ZNF296: variants seen among roughly 807,000 people sequenced by gnomAD.
ZNF296 encodes zinc finger protein 342.
A neutral mutation model predicts 13.2 loss-of-function variants in ZNF296; 1 was observed. The ratio of observed to expected loss-of-function variants is 0.08; its 90% CI spans 0.03 to 0.36. The LOEUF (loss-of-function observed/expected upper bound fraction) is 0.36. Ranked by LOEUF, ZNF296 falls within the 10% of genes least tolerant of loss-of-function variation. The probability of loss-of-function intolerance (pLI) is 0.99; values close to 1 mark genes in which losing one functional copy is unlikely to be tolerated. For missense variants in ZNF296, 555 were observed against 688.2 expected (o/e 0.81, Z 2.16); for synonymous variants, 303 against 289.0 (o/e 1.05, Z -0.49).
chr19:45,074,049 TAAA>T (rs1312803125), intron 2 of ZNF296, among the ~76,000 whole-genome samples: 5 of 150,494 alleles, frequency 3.3e-5, no homozygotes, highest in African/African-American at 9.8e-5. Context: ...TTTGGTTTAA[TAAA>T]AATAATTTTT....
Position 45,076,436 on chromosome 19 carries a change from C to G in ZNF296, c.-63G>C, listed in dbSNP as rs1967356228. The G allele has an allele frequency of 1.7e-6, 2 of 1,165,800 alleles. No individual in the cohort carries two copies. The highest frequency in any genetic ancestry group is 4.1e-5 in the South Asian group (1 of 24,174). The allele number at this position is 1,165,800 out of a possible 1,614,324, so 72.2% of individuals were successfully genotyped here. A position where few individuals can be genotyped will look rare whatever the true frequency, so the allele number is the denominator to read the frequency against. ...GGCAGGCGGGCGGGCGGAGGACGCA[C>G]GAGCGGAGGACGCGCGGACCGTGCG... On this transcript the variant is annotated 5_prime_UTR_variant, in exon 1 of 3. Coordinates refer to ENST00000303809, the MANE Select transcript of ZNF296 (RefSeq NM_145288.3). This position sits in a 1 kb window ranked among gnomAD's most constrained non-coding sequence, Gnocchi z 4.9.
rs1312356256 is a variant in ZNF296 at position 45,072,632 on chromosome 19, C to T, written c.449-52G>A. On this transcript the variant is annotated intron_variant, in intron 2 of 2. Coordinates refer to ENST00000303809, the MANE Select transcript of ZNF296 (RefSeq NM_145288.3). ...AGTGCGGACAGCTGCCAGCTGGACA[C>T]CTTCTGTGGGATAGGCACTCCTGCA... 32 of 1,532,314 alleles carry T rather than the reference C, an allele frequency of 2.1e-5. 1 individual carries two copies. The highest frequency in any genetic ancestry group is 2.5e-5 in the Non-Finnish European group (29 of 1,141,344). 94.9% of individuals were successfully genotyped at this position (1,532,314 alleles called of 1,614,324 possible).
At position 45,076,438 on chromosome 19, in the gene ZNF296, A is replaced by G; in HGVS notation, c.-65T>C. On this transcript the variant is annotated 5_prime_UTR_variant, in exon 1 of 3. Transcript: ENST00000303809. The surrounding 1 kb of genome is among the most constrained non-coding windows in gnomAD (Gnocchi z 4.9). ...CAGGCGGGCGGGCGGAGGACGCACG[A>G]GCGGAGGACGCGCGGACCGTGCGCG... 5 of 1,152,348 alleles carry G rather than the reference A, an allele frequency of 4.3e-6. No individual in the cohort carries two copies. The Admixed American group carries it at 1.3e-4, about 30-fold the overall frequency. 71.4% of individuals were successfully genotyped at this position (1,152,348 alleles called of 1,614,324 possible).
intron 2 of ZNF296, among the ~76,000 whole-genome samples, chr19:45,072,933 T>C (rs1265490284): frequency 6.6e-6 from 1 of 152,120 alleles, no homozygotes; most frequent in Non-Finnish European, 1.5e-5. Context: ...GGCTAATTAG[T>C]AGAGATGGGG....
chr19:45,075,676 C>G, intron 2 of ZNF296, 37 bp downstream of exon 2: 3 of 1,605,718 alleles, frequency 1.9e-6, no homozygotes, highest in Non-Finnish European at 2.6e-6. Flanking sequence ...GCCCAGCCCT[C>G]GAACTTGAGA....
chr19:45,076,322 C>G lies in ZNF296; in HGVS notation c.52G>C (p.Ala18Pro), dbSNP rs768065917. The change falls in exon 1 of 3, where the codon GCC (alanine) becomes CCC (proline). Residue 18 changes from alanine to proline, a missense_variant. Physicochemically the swap from Ala to Pro is conservative, Grantham distance 27 (BLOSUM62 -1). Around this residue, in one of 3 missense-constraint regions of ZNF296, gnomAD observed 137 missense variants for 121.9 expected, o/e 1.12. Transcript: ENST00000303809. The surrounding 1 kb of genome is among the most constrained non-coding windows in gnomAD (Gnocchi z 4.9). ...TCCATCTCGTCGTCTGGGTTGGCGG[C>G]GGGCGCGGGCTCTACTCGGCGGGGC... ...SAPRRVEPAP[A>P]ANPDDEMEMQ... The G allele has an allele frequency of 7.1e-7, 1 of 1,407,418 alleles. No individual in the cohort carries two copies. The highest frequency in any genetic ancestry group is 2.8e-5 in the East Asian group (1 of 36,262). 87.2% of individuals were successfully genotyped at this position (1,407,418 alleles called of 1,614,324 possible). A position where few individuals can be genotyped will look rare whatever the true frequency, so the allele number is the denominator to read the frequency against.
chr19:45,075,798 G>A lies in ZNF296; in HGVS notation c.363C>T (p.Phe121=), dbSNP rs566884262. Residue 121 remains phenylalanine (F), a synonymous_variant, in exon 2 of 3, where the codon TTC becomes TTT. Coordinates refer to ENST00000303809, the MANE Select transcript of ZNF296 (RefSeq NM_145288.3). ...LLTCGRCLQT[F]PLEAITAFMD... is the part of the protein sequence containing the mutation. Reference sequence around the variant, plus strand: ...TGAAGGCAGTGATGGCCTCCAACGGGAAGGTCTGCAGGCAGCGGCCGCAGG... The same window carrying A: ...TGAAGGCAGTGATGGCCTCCAACGGAAAGGTCTGCAGGCAGCGGCCGCAGG... 2 of 1,614,172 alleles carry A rather than the reference G, an allele frequency of 1.2e-6. No individual in the cohort carries two copies. Among genetic ancestry groups the A allele is most frequent in the Admixed American group, 1.7e-5 (1 of 60,012 alleles).
intron 2 of ZNF296, among the ~76,000 whole-genome samples, chr19:45,073,348 G>T (rs1192491239): frequency 6.6e-6 from 1 of 151,076 alleles, no homozygotes; most frequent in Non-Finnish European, 1.5e-5. Context: ...TTAAAGAGAT[G>T]GGGTCCTGCT....
At chr19:45,073,177 G>C (rs1666973287) in intron 2 of ZNF296, among the ~76,000 whole-genome samples, 1 of 152,146 alleles carries the variant, frequency 6.6e-6, no homozygotes, top group African/African-American at 2.4e-5. Context: ...CCATTTTCCA[G>C]ACAGGAGAAC....
chr19:45,075,973 G>C, intron 1 of ZNF296, 103 bp downstream of exon 1: 1 of 1,581,226 alleles, frequency 6.3e-7, no homozygotes, highest in South Asian at 1.1e-5. Context: ...GGCAGGACGG[G>C]GCGAAGGAGA....
In ZNF296 at chr19:45,071,711, G is replaced by T. The variant is rs752917822; in HGVS notation, c.1318C>A (p.Pro440Thr). 1.9e-6 allele frequency: 3 copies of T among 1,597,244 alleles called. No individual in the cohort carries two copies. Among genetic ancestry groups the T allele is most frequent in the East Asian group, 4.5e-5 (2 of 44,670 alleles). Residue 440 changes from proline to threonine, a missense_variant, in exon 3 of 3, where the codon CCT becomes ACT. Coordinates refer to ENST00000303809, the MANE Select transcript of ZNF296 (RefSeq NM_145288.3). ...NRHRRMHGMT[P>T]GSTRFECPHC... Reference sequence around the variant, plus strand: ...GGGCACTCGAAGCGGGTGCTGCCAGGCGTCATGCCGTGCATGCGGCGGTGG... The same window carrying T: ...GGGCACTCGAAGCGGGTGCTGCCAGTCGTCATGCCGTGCATGCGGCGGTGG...
chr19:45,073,622 T>C (rs1265818909), intron 2 of ZNF296, among the ~76,000 whole-genome samples: 1 of 145,592 alleles, frequency 6.9e-6, no homozygotes, highest in Non-Finnish European at 1.5e-5. Flanking sequence ...CCCAGGCTAT[T>C]CTTTAACTTA....
rs558835770 is a variant in ZNF296, at chr19:45,073,531, G to A, written c.449-951C>T. On this transcript the variant is annotated intron_variant, in intron 2 of 2. Coordinates refer to ENST00000303809, the MANE Select transcript of ZNF296 (RefSeq NM_145288.3). ...TTTCACCGTGTTAGCCAGGATGGTC[G>A]CGATCTCCTGACCTCATGATCTGCC... Among the ~76,000 whole-genome samples the A allele has an allele frequency of 2.7e-5, 4 of 150,726 alleles. No individual in the cohort carries two copies. In the East Asian group the frequency reaches 6.0e-4, roughly 23 times the overall value.
chr19:45,076,383 G>A lies in ZNF296; in HGVS notation c.-10C>T. 1 of 1,291,030 alleles carries A rather than the reference G, an allele frequency of 7.7e-7. No homozygotes were observed. The highest frequency in any genetic ancestry group is 3.1e-5 in the South Asian group (1 of 31,862). The allele number at this position is 1,291,030 out of a possible 1,614,324, so 80.0% of individuals were successfully genotyped here. A position where few individuals can be genotyped will look rare whatever the true frequency, so the allele number is the denominator to read the frequency against. ...CCTTGCGGCGGGACATGAGTCGCGG[G>A]CCGGGCGAGCGAGCGGGCGGGCAGG... is the stretch of plus-strand genomic sequence containing the variant. On this transcript the variant is annotated 5_prime_UTR_variant, in exon 1 of 3. Coordinates refer to ENST00000303809, the MANE Select transcript of ZNF296 (RefSeq NM_145288.3). The surrounding 1 kb of genome is among the most constrained non-coding windows in gnomAD (Gnocchi z 4.9).
chr19:45,075,730 C>G lies in ZNF296; in HGVS notation c.431G>C (p.Ser144Thr). Residue 144 changes from serine (S) to threonine (T), a missense_variant, in exon 2 of 3, where the codon AGC becomes ACC. Around this residue, in one of 3 missense-constraint regions of ZNF296, gnomAD observed 410 missense variants for 548.0 expected, o/e 0.75. Coordinates refer to ENST00000303809, the MANE Select transcript of ZNF296 (RefSeq NM_145288.3). Reference protein sequence around the residue: ...KLGCQLFRGPSRGQGSEREEL... With the variant: ...KLGCQLFRGPTRGQGSEREEL... ...TTACTCACCTGAGCCCTGGCCGCGG[C>G]TGGGGCCTCTGAAGAGCTGACAGCC... 9 of 1,614,042 alleles carry G rather than the reference C, an allele frequency of 5.6e-6. No individual in the cohort carries two copies. Among genetic ancestry groups the G allele is most frequent in the East Asian group, 2.2e-5 (1 of 44,878 alleles).
chr19:45,075,581 G>T, intron 2 of ZNF296, 132 bp downstream of exon 2: 1 of 866,356 alleles, frequency 1.2e-6, no homozygotes. Flanking sequence ...CCCTGGCCAC[G>T]CCTAGGCTGC....
intron 2 of ZNF296, among the ~76,000 whole-genome samples, chr19:45,073,953 C>T (rs974093313): frequency 6.6e-5 from 10 of 150,914 alleles, no homozygotes; most frequent in Non-Finnish European, 1.3e-4. Flanking sequence ...ACCCAGGAGG[C>T]GGAGGTTGCA....
intron 2 of ZNF296, among the ~76,000 whole-genome samples, chr19:45,074,148 C>T (rs1333437971): frequency 1.3e-5 from 2 of 152,012 alleles, no homozygotes; most frequent in African/African-American, 2.4e-5. Flanking sequence ...CACCTGAGGT[C>T]AGGAGTTTGA....
rs182468288 is a variant in ZNF296, at chr19:45,071,585, G to A, written c.*16C>T. 8.6e-6 allele frequency: 13 copies of A among 1,506,126 alleles called. No individual in the cohort carries two copies. Among genetic ancestry groups the A allele is most frequent in the African/African-American group, 1.4e-5 (1 of 71,716 alleles). The allele number at this position is 1,506,126 out of a possible 1,614,324, so 93.3% of individuals were successfully genotyped here. Reference sequence around the variant, plus strand: ...TGGCAGCGGTACCAGGGACAGTGAGGGGGGCTTTCCTGGGCTCAGGCCTCG... The same window carrying A: ...TGGCAGCGGTACCAGGGACAGTGAGAGGGGCTTTCCTGGGCTCAGGCCTCG... On this transcript the variant is annotated 3_prime_UTR_variant, in exon 3 of 3. Transcript: ENST00000303809.
Sources: gnomAD v4.1 joint callset for allele counts (sites outside exome capture counted in the v4.1 genomes callset) on GRCh38, gnomAD v4.1.1 for gene constraint, gnomAD v4.1.1 regional missense constraint, Gnocchi (gnomAD v3.1) non-coding constraint, MANE v1.5 for transcripts, NCBI Gene and HGNC (gene_info 2026-07-23, HGNC 2026-07-21) for gene names.